The following ARB2A variants were observed in gnomAD, a reference collection of about 807,000 sequenced individuals.
ARB2A encodes the protein ARB2 cotranscriptional regulator A, also known as cotranscriptional regulator ARB2A.
chr5:93,900,018 T>A, the ARB2A span, among the ~76,000 whole-genome samples: 1 of 152,294 alleles, frequency 6.6e-6, no homozygotes, highest in Admixed American at 6.5e-5. Flanking sequence ...CTTCAATGAA[T>A]GCTAGGTAGC....
chr5:94,026,480 C>G, the ARB2A span, among the ~76,000 whole-genome samples: 12 of 151,940 alleles, frequency 7.9e-5, no homozygotes, highest in South Asian at 1.7e-3. Flanking sequence ...GATTTTTCTC[C>G]CAGTGTGGCT....
At chr5:94,080,917 C>T in the ARB2A span, among the ~76,000 whole-genome samples, 208 of 152,208 alleles carry the variant, frequency 1.4e-3, 5 homozygotes, top group South Asian at 0.03. Context: ...CCTTTTCTAA[C>T]GGTTTTCTGA....
the ARB2A span, among the ~76,000 whole-genome samples, chr5:93,745,680 T>C: frequency 1.2e-4 from 18 of 151,308 alleles, no homozygotes; most frequent in East Asian, 2.7e-3. Context: ...CAAAAAAAAA[T>C]TTTTTTTCTT....
At chr5:94,091,690 G>A in the ARB2A span, among the ~76,000 whole-genome samples, 643 of 152,230 alleles carry the variant, frequency 4.2e-3, 3 homozygotes, top group African/African-American at 0.015. Flanking sequence ...TATTTTTCAG[G>A]AGAAATCAAA....
the ARB2A span, among the ~76,000 whole-genome samples, chr5:93,975,232 C>G: frequency 8.0e-5 from 12 of 150,474 alleles, no homozygotes; most frequent in Middle Eastern, 3.5e-3. Context: ...CAGGAGAATC[C>G]TGTGAACCCG....
At chr5:93,943,313 T>TTA in the ARB2A span, among the ~76,000 whole-genome samples, 1 of 152,124 alleles carries the variant, frequency 6.6e-6, no homozygotes. Context: ...GTAGCTTGTT[T>TTA]TAATAAGTAT....
chr5:94,015,435 T>C, the ARB2A span, among the ~76,000 whole-genome samples: 1 of 150,860 alleles, frequency 6.6e-6, no homozygotes, highest in Non-Finnish European at 1.5e-5. Context: ...AAACAACTAA[T>C]GTGCAAAAAG....
At chr5:93,824,373 G>T in the ARB2A span, 1 of 637,068 alleles carries the variant, frequency 1.6e-6, no homozygotes, top group Non-Finnish European at 2.4e-6. Flanking sequence ...AAATACAATG[G>T]TTATAGCTCA....
At chr5:93,835,683 TCA>T in the ARB2A span, among the ~76,000 whole-genome samples, 5 of 152,202 alleles carry the variant, frequency 3.3e-5, no homozygotes, top group African/African-American at 1.2e-4. Context: ...GTCACTAATT[TCA>T]GTTATGTCCA....
the ARB2A span, among the ~76,000 whole-genome samples, chr5:93,788,777 T>A: frequency 6.6e-6 from 1 of 152,270 alleles, no homozygotes; most frequent in South Asian, 2.1e-4. Context: ...GATGTTGATG[T>A]TATAGGGATG....
chr5:93,896,834 T>G, the ARB2A span, among the ~76,000 whole-genome samples: 2 of 152,036 alleles, frequency 1.3e-5, no homozygotes, highest in Non-Finnish European at 2.9e-5. Context: ...CTGCGACATA[T>G]GCTCATTTTT....
At chr5:94,094,808 A>C in the ARB2A span, among the ~76,000 whole-genome samples, 1 of 152,216 alleles carries the variant, frequency 6.6e-6, no homozygotes, top group Non-Finnish European at 1.5e-5. Flanking sequence ...AACCATTCTC[A>C]GTTTCCATAA....
the ARB2A span, among the ~76,000 whole-genome samples, chr5:94,010,183 T>C: frequency 1.3e-5 from 2 of 152,146 alleles, no homozygotes; most frequent in African/African-American, 4.8e-5. Context: ...AAAACTTTAG[T>C]GCTACAAATT....
chr5:93,949,261 T>C, the ARB2A span, among the ~76,000 whole-genome samples: 1 of 151,900 alleles, frequency 6.6e-6, no homozygotes, highest in East Asian at 2.0e-4. Context: ...GTGAGCCACT[T>C]CTCCCGGCCC....
At chr5:94,094,673 T>C in the ARB2A span, among the ~76,000 whole-genome samples, 10 of 152,116 alleles carry the variant, frequency 6.6e-5, no homozygotes, top group African/African-American at 2.4e-4. Context: ...TGTCCCAAAT[T>C]AGAGAAAGAA....
At chr5:93,824,504 T>C in the ARB2A span, among the ~76,000 whole-genome samples, 1 of 152,174 alleles carries the variant, frequency 6.6e-6, no homozygotes. Flanking sequence ...AAACACTTTA[T>C]TTCTGAACAT....
chr5:94,099,421 G>A, the ARB2A span, among the ~76,000 whole-genome samples: 6 of 151,646 alleles, frequency 4.0e-5, no homozygotes, highest in East Asian at 1.9e-4. Context: ...TCAGGAGATC[G>A]AGACCATCTT....
At chr5:94,109,454 T>C in the ARB2A span, among the ~76,000 whole-genome samples, 3 of 152,346 alleles carry the variant, frequency 2.0e-5, no homozygotes, top group South Asian at 4.1e-4. Context: ...ACAAGTTGTA[T>C]ACAACTGAGT....
chr5:93,827,460 A>C, the ARB2A span, among the ~76,000 whole-genome samples: 3 of 152,026 alleles, frequency 2.0e-5, no homozygotes, highest in African/African-American at 7.2e-5. Context: ...TTTTTCTTGT[A>C]AATTTGTTGG....
Sources: allele counts gnomAD v4.1 joint callset (sites outside exome capture counted in the v4.1 genomes callset), GRCh38; gene constraint gnomAD v4.1.1; transcripts MANE v1.5; gene names NCBI Gene and HGNC (gene_info 2026-07-23, HGNC 2026-07-21).